Variants in NEXN observed in about 807,000 individuals in gnomAD.
NEXN encodes nexilin.
Under a neutral mutation model 92.6 loss-of-function variants are expected in NEXN, and 65 were observed. The ratio of observed to expected loss-of-function variants is 0.70; its 90% CI spans 0.57 to 0.86. The LOEUF is 0.86. Ranked by LOEUF, NEXN falls within the 40% of genes least tolerant of loss-of-function variation. The probability of loss-of-function intolerance (pLI) is 0.00; values close to 1 mark genes in which losing one functional copy is unlikely to be tolerated. For synonymous variants in NEXN, 254 were observed against 242.5 expected (o/e 1.05, Z -0.44); for missense variants, 778 against 771.1 (o/e 1.01, Z -0.11).
chr1:77,909,801 A>G (rs1648417570), intron 1 of NEXN, among the ~76,000 whole-genome samples: 1 of 152,172 alleles, frequency 6.6e-6, no homozygotes, highest in Non-Finnish European at 1.5e-5. Context: ...ATAATACTAA[A>G]TCCTACATGA....
In NEXN at chr1:77,926,575, A is replaced by ATC. The variant is rs1278701592; in HGVS notation, c.656_657dup (p.Lys220SerfsTer9). The ATC allele has an allele frequency of 6.2e-7, 1 of 1,613,822 alleles. No homozygotes were observed. The highest frequency in any genetic ancestry group is 1.3e-5 in the African/African-American group (1 of 74,924). On this transcript the variant is annotated frameshift_variant, in exon 7 of 13. Coordinates refer to ENST00000334785, the MANE Select transcript of NEXN (RefSeq NM_144573.4). LOFTEE classifies it high-confidence loss of function. ...GAATAAGATATGAAGAACAACGACCATCTCTCAAGGAAGCAAAGTGTCTTT... is the reference window on the plus strand; with the variant it reads ...GAATAAGATATGAAGAACAACGACCATCTCTCTCAAGGAAGCAAAGTGTCTTT...
chr1:77,939,399 AAAGTT>A (rs1267644948), intron 11 of NEXN, among the ~76,000 whole-genome samples: 27 of 152,234 alleles, frequency 1.8e-4, no homozygotes, highest in Non-Finnish European at 3.7e-4. Context: ...AGCTGCTTAT[AAAGTT>A]AATTGTTGAA....
rs373932133 is a variant in NEXN, at chr1:77,907,695, T to A, written c.-52-8360T>A. Among the ~76,000 whole-genome samples, 3 of 152,268 alleles carry A rather than the reference T, an allele frequency of 2.0e-5. No homozygotes were observed. In the South Asian group the frequency reaches 6.2e-4, roughly 31 times the overall value. On this transcript the variant is annotated intron_variant, in intron 1 of 12. Transcript: ENST00000334785. ...AATCAATTTTATTTTATTCTAAATC[T>A]ATAATTAAGTCAAGATATAATTTGA...
chr1:77,909,420 C>CAATAAATA (rs934721060), intron 1 of NEXN, among the ~76,000 whole-genome samples: 1 of 151,730 alleles, frequency 6.6e-6, no homozygotes, highest in Admixed American at 6.6e-5. Context: ...AACTTCATCT[C>CAATAAATA]AATAAATAAA....
At position 77,936,021 on chromosome 1, in the gene NEXN, C is replaced by G; in HGVS notation, c.1450C>G (p.Arg484Gly). ...AGCAATTGACCTTGAAATTAAAGAG[C>G]GAGAAGCTGAAAATTTTCATGAGGT... ...RRAIDLEIKE[R>G]EAENFHEEDD... Residue 484 changes from arginine (R) to glycine (G), a missense_variant, in exon 11 of 13, where the codon CGA (arginine) becomes GGA (glycine). Arg to Gly is a moderately radical substitution (Grantham distance 125). Around this residue, in one of 3 missense-constraint regions of NEXN, gnomAD observed 532 missense variants for 476.7 expected, o/e 1.12. Coordinates refer to ENST00000334785, the MANE Select transcript of NEXN (RefSeq NM_144573.4). 1 of 1,612,946 alleles carries G rather than the reference C, an allele frequency of 6.2e-7. No individual in the cohort carries two copies. The highest frequency in any genetic ancestry group is 8.5e-7 in the Non-Finnish European group (1 of 1,179,412).
intron 8 of NEXN, among the ~76,000 whole-genome samples, chr1:77,928,732 T>C (rs1650060354): frequency 6.6e-6 from 1 of 152,158 alleles, no homozygotes; most frequent in African/African-American, 2.4e-5. Context: ...AAAGAGATTC[T>C]GTGTAGATAT....
At chr1:77,919,642 G>T (rs535813115) in intron 5 of NEXN, among the ~76,000 whole-genome samples, 1 of 148,130 alleles carries the variant, frequency 6.8e-6, no homozygotes, top group African/African-American at 2.5e-5. Flanking sequence ...GGAGTGCAAT[G>T]GCGCAGTCCT....
intron 11 of NEXN, chr1:77,941,810 GAA>G: frequency 1.8e-6 from 1 of 545,890 alleles, no homozygotes; most frequent in Non-Finnish European, 3.3e-6. Context: ...TACATTTGGA[GAA>G]AAAGTCTATA....
intron 5 of NEXN, among the ~76,000 whole-genome samples, chr1:77,922,629 G>A (rs957259586): frequency 8.8e-5 from 13 of 147,246 alleles, no homozygotes; most frequent in South Asian, 2.1e-4. Flanking sequence ...ACGGAGTCTC[G>A]CTCTGTTGCC....
intron 1 of NEXN, among the ~76,000 whole-genome samples, chr1:77,909,136 T>C (rs1295576686): frequency 6.6e-6 from 1 of 152,000 alleles, no homozygotes; most frequent in African/African-American, 2.4e-5. Context: ...AGAAGAAATA[T>C]CAGGCCAGGC....
chr1:77,894,051 C>T (rs950033026), intron 1 of NEXN, among the ~76,000 whole-genome samples: 5 of 152,040 alleles, frequency 3.3e-5, no homozygotes, highest in African/African-American at 4.8e-5. Context: ...GTCTCGAACT[C>T]CTGACCTCGT....
intron 1 of NEXN, among the ~76,000 whole-genome samples, chr1:77,896,197 T>TAAATAAATAAATAAATA (rs1195580693): frequency 6.6e-6 from 1 of 151,688 alleles, no homozygotes; most frequent in African/African-American, 2.4e-5. Context: ...AATAAATAAA[T>TAAATAAATAAATAAATA]AAGTTGTCGG....
rs747790193 is a variant in NEXN at position 77,926,893 on chromosome 1, G to A, written c.864+1G>A. ...TTTTGAAGAAGCAAGGCGGCAAATG[G>A]TAAATCTACATATTTAAACCTTACA... On this transcript the variant is annotated splice_donor_variant, in intron 8 of 12. Coordinates refer to ENST00000334785, the MANE Select transcript of NEXN (RefSeq NM_144573.4). LOFTEE classifies it high-confidence loss of function. The A allele has an allele frequency of 6.2e-7, 1 of 1,613,766 alleles. No homozygotes were observed. The highest frequency in any genetic ancestry group is 1.7e-5 in the Admixed American group (1 of 60,012).
intron 5 of NEXN, among the ~76,000 whole-genome samples, chr1:77,923,160 A>ATTT (rs763944057): frequency 9.6e-5 from 12 of 124,382 alleles, no homozygotes; most frequent in South Asian, 2.6e-4. Flanking sequence ...CACCCAGCTA[A>ATTT]TTTTTTTTTT....
intron 1 of NEXN, among the ~76,000 whole-genome samples, chr1:77,896,217 G>T (rs1276629332): frequency 9.4e-6 from 1 of 106,318 alleles, no homozygotes; most frequent in East Asian, 2.3e-4. Flanking sequence ...GCCAAGCACA[G>T]TGACTCAGAA....
chr1:77,904,996 G>A (rs1327707853), intron 1 of NEXN, among the ~76,000 whole-genome samples: 1 of 152,224 alleles, frequency 6.6e-6, no homozygotes, highest in Non-Finnish European at 1.5e-5. Flanking sequence ...AGGCATGGTG[G>A]CTCACGCCTT....
At chr1:77,900,346 T>C (rs1159969018) in intron 1 of NEXN, among the ~76,000 whole-genome samples, 1 of 152,214 alleles carries the variant, frequency 6.6e-6, no homozygotes, top group Non-Finnish European at 1.5e-5. Context: ...CATACCATAG[T>C]CTTTTCCATG....
At chr1:77,892,241 G>T (rs1253865929) in intron 1 of NEXN, among the ~76,000 whole-genome samples, 1 of 152,156 alleles carries the variant, frequency 6.6e-6, no homozygotes, top group African/African-American at 2.4e-5. Flanking sequence ...AGCTTTAGGG[G>T]TACCAAGTGG....
chr1:77,901,583 TTAGA>T (rs1411939482), intron 1 of NEXN, among the ~76,000 whole-genome samples: 2 of 152,150 alleles, frequency 1.3e-5, no homozygotes, highest in East Asian at 3.8e-4. Context: ...GCCGGGGATC[TTAGA>T]TACTTACAAG....
Sources: allele counts gnomAD v4.1 joint callset (sites outside exome capture counted in the v4.1 genomes callset), GRCh38; gene constraint gnomAD v4.1.1; regional missense constraint gnomAD v4.1.1; transcripts MANE v1.5; gene names NCBI Gene and HGNC (gene_info 2026-07-23, HGNC 2026-07-21).